HS3ST5: variants seen among roughly 807,000 people sequenced by gnomAD.
HS3ST5 encodes the protein heparan sulfate-glucosamine 3-sulfotransferase 5.
A neutral mutation model predicts 25.4 loss-of-function variants in HS3ST5; 10 were observed. The observed-to-expected ratio is 0.39, with a 90% CI of 0.24 to 0.67. The LOEUF is 0.67. Among genes scored for constraint, HS3ST5 ranks in the 30% least tolerant of loss-of-function variants. The pLI, the probability that HS3ST5 is intolerant of heterozygous loss-of-function variation, is 0.44. For synonymous variants in HS3ST5, 170 were observed against 162.4 expected (o/e 1.05, Z -0.36); for missense variants, 324 against 420.7 (o/e 0.77, Z 2.01).
At chr6:114,318,384 A>G (rs1364070091) in intron 1 of HS3ST5, among the ~76,000 whole-genome samples, 1 of 151,866 alleles carries the variant, frequency 6.6e-6, no homozygotes, top group East Asian at 1.9e-4. Context: ...TCAAATTGCT[A>G]TTTTTTTCTC....
intron 1 of HS3ST5, among the ~76,000 whole-genome samples, chr6:114,276,324 C>T (rs1009194022): frequency 6.6e-6 from 1 of 151,804 alleles, no homozygotes; most frequent in Admixed American, 6.6e-5. Context: ...ATAATTAATA[C>T]CTTGCTCTGA....
intron 2 of HS3ST5, among the ~76,000 whole-genome samples, chr6:114,179,760 T>C (rs1324518246): frequency 6.8e-6 from 1 of 147,922 alleles, no homozygotes; most frequent in Admixed American, 6.8e-5. Context: ...CGATAGACCA[T>C]CTGCAGGCTG....
chr6:114,089,553 T>C (rs914178990), intron 3 of HS3ST5, among the ~76,000 whole-genome samples: 2 of 152,260 alleles, frequency 1.3e-5, no homozygotes, highest in African/African-American at 2.4e-5. Flanking sequence ...AGCAAACTTA[T>C]TAGTTTTTAT....
intron 3 of HS3ST5, among the ~76,000 whole-genome samples, chr6:114,072,243 C>G (rs140590141): frequency 1.1e-4 from 16 of 151,978 alleles, no homozygotes; most frequent in Admixed American, 6.5e-5. Flanking sequence ...ACAAAAAATA[C>G]TCTTAAGAGA....
chr6:114,244,150 T>G (rs1772273263), intron 1 of HS3ST5, among the ~76,000 whole-genome samples: 1 of 152,228 alleles, frequency 6.6e-6, no homozygotes, highest in Non-Finnish European at 1.5e-5. Flanking sequence ...CTGCAGGTTT[T>G]GCTATCTGAA....
chr6:114,266,096 T>C (rs886224025), intron 1 of HS3ST5, among the ~76,000 whole-genome samples: 7 of 152,218 alleles, frequency 4.6e-5, no homozygotes, highest in Non-Finnish European at 1.0e-4. Flanking sequence ...TCACACACTC[T>C]GCTTTAAGAT....
chr6:114,186,133 A>T (rs1780206533), intron 2 of HS3ST5, among the ~76,000 whole-genome samples: 1 of 152,082 alleles, frequency 6.6e-6, no homozygotes, highest in South Asian at 2.1e-4. Context: ...TAGTATTAAA[A>T]TTAGACCACT....
intron 3 of HS3ST5, among the ~76,000 whole-genome samples, chr6:114,137,184 A>C (rs557870262): frequency 1.1e-3 from 164 of 152,324 alleles, no homozygotes; most frequent in African/African-American, 3.7e-3. Flanking sequence ...TATCAGGAAA[A>C]GATTTTTCTC....
chr6:114,257,176 G>A (rs1255506497), intron 1 of HS3ST5, among the ~76,000 whole-genome samples: 6 of 152,212 alleles, frequency 3.9e-5, no homozygotes, highest in African/African-American at 1.4e-4. Flanking sequence ...GATAAGATTT[G>A]GATGGGGACA....
chr6:114,331,046 T>C (rs1776373562), intron 1 of HS3ST5, among the ~76,000 whole-genome samples: 1 of 152,226 alleles, frequency 6.6e-6, no homozygotes, highest in African/African-American at 2.4e-5. Flanking sequence ...GTAAGACTTG[T>C]TCAGCTTTCC....
intron 1 of HS3ST5, among the ~76,000 whole-genome samples, chr6:114,320,587 G>A (rs1457925447): frequency 6.6e-6 from 1 of 151,928 alleles, no homozygotes; most frequent in Non-Finnish European, 1.5e-5. Context: ...TCATTGATAT[G>A]TCTACCATTT....
intron 3 of HS3ST5, chr6:114,143,568 CAAG>C (rs1778009546): frequency 6.6e-6 from 1 of 152,096 alleles, no homozygotes; most frequent in South Asian, 2.1e-4. Context: ...CAAATGGCGC[CAAG>C]GAGGATCATG....
At chr6:114,130,544 C>T (rs1006392059) in intron 3 of HS3ST5, among the ~76,000 whole-genome samples, 2 of 152,028 alleles carry the variant, frequency 1.3e-5, no homozygotes, top group African/African-American at 4.8e-5. Flanking sequence ...TTGAGATCAG[C>T]CTGGGAAATA....
intron 3 of HS3ST5, among the ~76,000 whole-genome samples, chr6:114,136,381 T>C (rs751630229): frequency 2.6e-5 from 4 of 152,178 alleles, no homozygotes; most frequent in Non-Finnish European, 5.9e-5. Context: ...CCATGTAGGA[T>C]GTGACTTTGC....
intron 2 of HS3ST5, among the ~76,000 whole-genome samples, chr6:114,182,113 C>T (rs181818437): frequency 1.2e-4 from 19 of 152,050 alleles, no homozygotes; most frequent in African/African-American, 4.6e-4. Flanking sequence ...ATATATATTG[C>T]CATATTTATA....
At chr6:114,288,031 T>C (rs1562264739) in intron 1 of HS3ST5, among the ~76,000 whole-genome samples, 1 of 152,042 alleles carries the variant, frequency 6.6e-6, no homozygotes, top group Non-Finnish European at 1.5e-5. Flanking sequence ...ACGCTAAAAG[T>C]GTAAAGAAAT....
At position 114,264,191 on chromosome 6, in the gene HS3ST5, AATAC is replaced by A. The variant is rs1297530648; in HGVS notation, c.-338-35417_-338-35414del. 2.0e-5 allele frequency among the ~76,000 whole-genome samples: 3 copies of A among 152,348 alleles called. No homozygotes were observed. In the East Asian group the frequency reaches 5.8e-4, roughly 29 times the overall value. On this transcript the variant is annotated intron_variant, in intron 1 of 4. Coordinates refer to ENST00000312719, the MANE Select transcript of HS3ST5 (RefSeq NM_153612.4). ...GTGTATGATATCCTTATATGCAGAT[AATAC>A]ATAATTTATTTAACTCATTCTTTAT...
At chr6:114,254,583 C>T (rs1772815707) in intron 1 of HS3ST5, among the ~76,000 whole-genome samples, 1 of 152,016 alleles carries the variant, frequency 6.6e-6, no homozygotes, top group African/African-American at 2.4e-5. Flanking sequence ...AAAGACGTAC[C>T]CGAGAGTGGG....
chr6:114,255,253 T>C (rs4945995), intron 1 of HS3ST5, among the ~76,000 whole-genome samples: 4,186 of 152,310 alleles, frequency 0.027, 312 homozygotes, highest in East Asian at 0.18. Flanking sequence ...ATGATCTCCA[T>C]TGACTCCATG....
Sources: gnomAD v4.1 joint callset for allele counts (sites outside exome capture counted in the v4.1 genomes callset) on GRCh38, gnomAD v4.1.1 for gene constraint, MANE v1.5 for transcripts, NCBI Gene and HGNC (gene_info 2026-07-23, HGNC 2026-07-21) for gene names.